The following PDE4D variants were observed in gnomAD, a reference collection of about 807,000 sequenced individuals.
PDE4D encodes the protein phosphodiesterase 4D, also known as 3',5'-cyclic-AMP phosphodiesterase 4D.
In PDE4D, 24 loss-of-function variants were observed where a neutral mutation model predicts 87.4. The observed-to-expected ratio is 0.27, with a 90% CI of 0.20 to 0.39. The LOEUF (loss-of-function observed/expected upper bound fraction) is 0.39. Among genes scored for constraint, PDE4D ranks in the 10% least tolerant of loss-of-function variants. The pLI is 1.00. For missense variants in PDE4D, 714 were observed against 1,041.0 expected, an observed-to-expected ratio of 0.69 and a Z score of 4.32; for synonymous variants, 384 against 383.2, an observed-to-expected ratio of 1.00 and a Z score of -0.02.
At chr5:59,403,889 G>A (rs12188859) in intron 1 of PDE4D, among the ~76,000 whole-genome samples, 26,209 of 151,974 alleles carry the variant, frequency 0.17, 2,998 homozygotes, top group African/African-American at 0.32. Context: ...ATTGTTCTCC[G>A]TAGTGGTTGT....
intron 1 of PDE4D, among the ~76,000 whole-genome samples, chr5:60,509,480 T>C (rs920362251): frequency 1.2e-4 from 18 of 152,182 alleles, no homozygotes; most frequent in Non-Finnish European, 2.5e-4. Flanking sequence ...TGCAAACACA[T>C]AATCTGTGAT....
intron 1 of PDE4D, among the ~76,000 whole-genome samples, chr5:59,770,918 G>A (rs1352621314): frequency 6.6e-6 from 1 of 151,994 alleles, no homozygotes; most frequent in African/African-American, 2.4e-5. Flanking sequence ...GATCACTTGA[G>A]CTCAGGAATT....
chr5:59,563,678 G>A (rs1420155180), intron 1 of PDE4D, among the ~76,000 whole-genome samples: 1 of 152,206 alleles, frequency 6.6e-6, no homozygotes, highest in Non-Finnish European at 1.5e-5. Context: ...AGCCCTAGCT[G>A]ATACAGCAAG....
chr5:60,112,845 G>C (rs1777814305), intron 2 of PDE4D, among the ~76,000 whole-genome samples: 1 of 152,054 alleles, frequency 6.6e-6, no homozygotes, highest in Non-Finnish European at 1.5e-5. Context: ...CAAGAAAAGA[G>C]AAGAAGGTAA....
intron 1 of PDE4D, among the ~76,000 whole-genome samples, chr5:59,870,394 C>A (rs1467263308): frequency 6.6e-6 from 1 of 152,154 alleles, no homozygotes; most frequent in Non-Finnish European, 1.5e-5. Flanking sequence ...GTAACAAATG[C>A]ACATGTTCAG....
chr5:60,132,384 T>C (rs1270873111), intron 2 of PDE4D, among the ~76,000 whole-genome samples: 1 of 152,212 alleles, frequency 6.6e-6, no homozygotes, highest in Non-Finnish European at 1.5e-5. Context: ...TATTCATTTA[T>C]GTATTACCGT....
At chr5:59,406,385 TA>T (rs1352299321) in intron 1 of PDE4D, among the ~76,000 whole-genome samples, 6 of 86,970 alleles carry the variant, frequency 6.9e-5, no homozygotes, top group Admixed American at 4.5e-4. Context: ...TATCTTTCCT[TA>T]TCTTTCCTTC....
At chr5:60,029,497 C>G (rs1412111474) in intron 2 of PDE4D, among the ~76,000 whole-genome samples, 1 of 152,178 alleles carries the variant, frequency 6.6e-6, no homozygotes, top group Non-Finnish European at 1.5e-5. Context: ...GCACTTCTTA[C>G]ATACATTGAT....
intron 1 of PDE4D, among the ~76,000 whole-genome samples, chr5:60,223,241 G>A (rs6889641): frequency 0.13 from 20,105 of 151,950 alleles, 1,542 homozygotes; most frequent in African/African-American, 0.21. Flanking sequence ...CTTGAAAGAC[G>A]CCATATTACA....
intron 1 of PDE4D, among the ~76,000 whole-genome samples, chr5:59,532,161 G>A (rs1198318779): frequency 6.6e-6 from 1 of 152,078 alleles, no homozygotes; most frequent in East Asian, 1.9e-4. Flanking sequence ...TTTTGAGATG[G>A]AATATCACTC....
chr5:59,777,958 A>T (rs902217597), intron 1 of PDE4D, among the ~76,000 whole-genome samples: 3 of 152,244 alleles, frequency 2.0e-5, no homozygotes, highest in Non-Finnish European at 4.4e-5. Flanking sequence ...GTGAATATCT[A>T]TGTCTGTTAA....
intron 2 of PDE4D, among the ~76,000 whole-genome samples, chr5:59,200,350 T>C (rs1282753951): frequency 1.6e-4 from 17 of 104,406 alleles, no homozygotes; most frequent in African/African-American, 6.8e-4. Context: ...GCTACACGTA[T>C]ACATACACGT....
intron 2 of PDE4D, chr5:60,022,831 A>T (rs1766215464): frequency 6.6e-6 from 1 of 152,384 alleles, no homozygotes; most frequent in Admixed American, 6.6e-5. Flanking sequence ...TCCTCTAATT[A>T]GTAAGGCATT....
intron 1 of PDE4D, among the ~76,000 whole-genome samples, chr5:60,441,122 G>A (rs1202644127): frequency 6.6e-6 from 1 of 152,062 alleles, no homozygotes; most frequent in African/African-American, 2.4e-5. Flanking sequence ...AAAAGAGCCT[G>A]TATAGCCAAG....
chr5:60,246,532 T>C (rs1259580405), intron 1 of PDE4D, among the ~76,000 whole-genome samples: 1 of 151,876 alleles, frequency 6.6e-6, no homozygotes, highest in Non-Finnish European at 1.5e-5. Context: ...TATTACAGTC[T>C]ACTAATTTTC....
chr5:59,228,183 A>T (rs1332713682), intron 1 of PDE4D, among the ~76,000 whole-genome samples: 1 of 152,180 alleles, frequency 6.6e-6, no homozygotes, highest in East Asian at 1.9e-4. Context: ...GTTTTCACTT[A>T]TAAGTGGTAA....
At chr5:60,025,835 T>C (rs905117684) in intron 2 of PDE4D, among the ~76,000 whole-genome samples, 3 of 152,108 alleles carry the variant, frequency 2.0e-5, no homozygotes, top group Admixed American at 6.6e-5. Context: ...TGAGACAAGA[T>C]TGCACCACTA....
intron 1 of PDE4D, among the ~76,000 whole-genome samples, chr5:59,683,486 T>C (rs1382399170): frequency 1.3e-5 from 2 of 152,244 alleles, no homozygotes; most frequent in Admixed American, 6.5e-5. Context: ...TAGTTATAAC[T>C]ATTTTCCAAA....
At chr5:60,079,167 G>A (rs1304984152) in intron 2 of PDE4D, among the ~76,000 whole-genome samples, 1 of 152,098 alleles carries the variant, frequency 6.6e-6, no homozygotes, top group Non-Finnish European at 1.5e-5. Flanking sequence ...TATGTTTGCT[G>A]GCCATGTAAA....
Sources: gnomAD v4.1 joint callset for allele counts (sites outside exome capture counted in the v4.1 genomes callset) on GRCh38, gnomAD v4.1.1 for gene constraint, MANE v1.5 for transcripts, NCBI Gene and HGNC (gene_info 2026-07-23, HGNC 2026-07-21) for gene names.